Variants in ARMH1 observed in about 807,000 individuals in gnomAD.
ARMH1 encodes armadillo-like helical domain containing protein 1.
A neutral mutation model predicts 50.2 loss-of-function variants in ARMH1; 34 were observed. That is an observed-to-expected ratio of 0.68 (90% CI 0.51 to 0.90). The LOEUF (loss-of-function observed/expected upper bound fraction) is 0.90, where lower values mean the gene tolerates loss of function less well. Ranked by LOEUF, ARMH1 falls within the 40% of genes least tolerant of loss-of-function variation. The pLI, the probability that ARMH1 is intolerant of heterozygous loss-of-function variation, is 0.00. For missense variants in ARMH1, 538 were observed against 553.9 expected (o/e 0.97, Z 0.29); for synonymous variants, 221 against 224.2 (o/e 0.99, Z 0.13).
At chr1:44,701,237 T>C (rs1045768849) in intron 5 of ARMH1, 118 bp downstream of exon 5, 8 of 1,010,584 alleles carry the variant, frequency 7.9e-6, no homozygotes, top group Non-Finnish European at 1.1e-5. Flanking sequence ...CCACTGCATG[T>C]CTGTTGTTCA....
intron 4 of ARMH1, among the ~76,000 whole-genome samples, 199 bp from the exon 5 acceptor site, chr1:44,700,724 A>C (rs928354830): frequency 2.6e-5 from 4 of 152,150 alleles, no homozygotes; most frequent in African/African-American, 9.7e-5. Context: ...TGACATGCCT[A>C]TGCTGAAATA....
rs549395595 is a variant in ARMH1 at position 44,720,546 on chromosome 1, C to T, written c.725-3576C>T. On this transcript the variant is annotated intron_variant, in intron 6 of 11. Transcript: ENST00000535358. The stretch of plus-strand genomic sequence containing the variant: ...TCAGATATGTTCATTGGAGTTCACA[C>T]ACTAGTGAGGAGACCATTTAGTGGA... Among the ~76,000 whole-genome samples the T allele has an allele frequency of 5.3e-5, 8 of 152,312 alleles. No individual in the cohort carries two copies. The East Asian group carries it at 1.4e-3, about 26-fold the overall frequency.
intron 1 of ARMH1, among the ~76,000 whole-genome samples, chr1:44,687,819 A>G (rs1645524029): frequency 6.6e-6 from 1 of 152,192 alleles, no homozygotes; most frequent in Admixed American, 6.5e-5. Flanking sequence ...TCCTGTCTTC[A>G]AAGAAGATAG....
chr1:44,679,294 T>C (rs1336849021), intron 1 of ARMH1, among the ~76,000 whole-genome samples: 1 of 152,246 alleles, frequency 6.6e-6, no homozygotes, highest in Non-Finnish European at 1.5e-5. Flanking sequence ...CCATGTGTGC[T>C]CCAGTTCTTA....
At chr1:44,704,743 C>A (rs982982337) in intron 6 of ARMH1, among the ~76,000 whole-genome samples, 1 of 152,022 alleles carries the variant, frequency 6.6e-6, no homozygotes, top group African/African-American at 2.4e-5. Context: ...AACTCCAGGC[C>A]TCAAGCGATC....
chr1:44,706,174 G>T (rs1448445515), intron 6 of ARMH1, among the ~76,000 whole-genome samples: 3 of 152,214 alleles, frequency 2.0e-5, no homozygotes, highest in Non-Finnish European at 4.4e-5. Context: ...GTGGTGCTAT[G>T]CCAGGTGGGC....
intron 6 of ARMH1, chr1:44,721,902 C>T (rs566651336): frequency 3.3e-5 from 5 of 152,246 alleles, no homozygotes; most frequent in East Asian, 1.9e-4. Flanking sequence ...AACCAGAGAT[C>T]TGCCTGTTAG....
intron 6 of ARMH1, chr1:44,721,810 A>C (rs770800331): frequency 6.6e-6 from 1 of 152,166 alleles, no homozygotes; most frequent in Non-Finnish European, 1.5e-5. Flanking sequence ...AAGACTTCAA[A>C]AAATTTAACC....
chr1:44,681,999 C>G lies in ARMH1; in HGVS notation c.-23+7126C>G, dbSNP rs1375807677. On this transcript the variant is annotated intron_variant, in intron 1 of 11. Transcript: ENST00000535358. This position sits in a 1 kb window ranked among gnomAD's most constrained non-coding sequence, Gnocchi z 4.3. ...ACTGTTCATTAAAATCACCTTTTTG[C>G]TTGTCTCTCTGCCCTGCCAGTCTGT... Among the ~76,000 whole-genome samples the G allele has an allele frequency of 6.6e-6, 1 of 152,114 alleles. No individual in the cohort carries two copies.
intron 2 of ARMH1, among the ~76,000 whole-genome samples, chr1:44,695,043 G>A (rs375008095): frequency 1.2e-4 from 18 of 152,100 alleles, no homozygotes; most frequent in Non-Finnish European, 1.0e-4. Flanking sequence ...TCAGTGGACC[G>A]TGCAGACCAC....
intron 6 of ARMH1, among the ~76,000 whole-genome samples, chr1:44,711,116 T>C (rs1646595245): frequency 2.6e-5 from 4 of 152,254 alleles, no homozygotes. Context: ...ATTCGGGCTA[T>C]TTCCAGCCTT....
At chr1:44,680,758 T>C (rs1294618031) in intron 1 of ARMH1, among the ~76,000 whole-genome samples, 1 of 152,036 alleles carries the variant, frequency 6.6e-6, no homozygotes, top group East Asian at 1.9e-4. Context: ...GAGGAGAGGG[T>C]TGCGCTTGAT....
chr1:44,683,524 A>G lies in ARMH1; in HGVS notation c.-22-6152A>G, dbSNP rs1645377180. ...TGCAATGGCAACTGAGGATTCAGAG[A>G]GTCTGGAGTAGAACCAGGGGATTCT... is the stretch of plus-strand genomic sequence containing the variant. On this transcript the variant is annotated intron_variant, in intron 1 of 11. Coordinates refer to ENST00000535358, the MANE Select transcript of ARMH1 (RefSeq NM_001145636.2). The surrounding 1 kb of genome is among the most constrained non-coding windows in gnomAD (Gnocchi z 4.2). Among the ~76,000 whole-genome samples, 1 of 152,242 alleles carries G rather than the reference A, an allele frequency of 6.6e-6. No individual in the cohort carries two copies. Among genetic ancestry groups the G allele is most frequent in the African/African-American group, 2.4e-5 (1 of 41,460 alleles).
intron 5 of ARMH1, among the ~76,000 whole-genome samples, chr1:44,703,043 A>G (rs558319550): frequency 6.6e-6 from 1 of 152,292 alleles, no homozygotes; most frequent in South Asian, 2.1e-4. Context: ...GACAGAGTTG[A>G]AGGACGATGT....
chr1:44,678,794 C>CGG (rs112856966), intron 1 of ARMH1, among the ~76,000 whole-genome samples: 3 of 151,826 alleles, frequency 2.0e-5, no homozygotes, highest in Non-Finnish European at 2.9e-5. Flanking sequence ...TTTGATTTGC[C>CGG]GGGGGGGTGG....
chr1:44,697,303 A>G (rs1297236409), intron 3 of ARMH1, 133 bp downstream of exon 3: 6 of 701,724 alleles, frequency 8.6e-6, no homozygotes, highest in Non-Finnish European at 1.5e-5. Flanking sequence ...GGATGGGCCC[A>G]GAGGTAATGT....
chr1:44,706,356 G>A (rs570577204), intron 6 of ARMH1, among the ~76,000 whole-genome samples: 7 of 152,322 alleles, frequency 4.6e-5, no homozygotes, highest in African/African-American at 1.7e-4. Flanking sequence ...ATGGATGTCA[G>A]AGTAGGCAGG....
At chr1:44,704,039 T>TAAAA in intron 5 of ARMH1, 50 bp from the exon 6 acceptor site, 1 of 1,226,480 alleles carries the variant, frequency 8.2e-7, no homozygotes, top group Non-Finnish European at 1.1e-6. Flanking sequence ...AATCCATCTT[T>TAAAA]AAAAAAAAAA....
chr1:44,714,269 C>CA (rs1439401667), intron 6 of ARMH1, among the ~76,000 whole-genome samples: 14 of 117,604 alleles, frequency 1.2e-4, no homozygotes, highest in Admixed American at 9.4e-5. Context: ...GACTCCGTCT[C>CA]AAAAAAAAGA....
Sources: allele counts gnomAD v4.1 joint callset (sites outside exome capture counted in the v4.1 genomes callset), GRCh38; gene constraint gnomAD v4.1.1; non-coding constraint Gnocchi (gnomAD v3.1); transcripts MANE v1.5; gene names NCBI Gene and HGNC (gene_info 2026-07-23, HGNC 2026-07-21).